The following DOCK8 variants were observed in gnomAD, a reference collection of about 807,000 sequenced individuals.
The protein encoded by DOCK8 is dedicator of cytokinesis protein 8.
Under a neutral mutation model 245.6 loss-of-function variants are expected in DOCK8, and 141 were observed. That is an observed-to-expected ratio of 0.57 (90% CI 0.50 to 0.66). DOCK8 has a LOEUF of 0.66. Among genes scored for constraint, DOCK8 ranks in the 30% least tolerant of loss-of-function variants. The pLI is 0.00. For synonymous variants in DOCK8, 1,168 were observed against 970.2 expected (o/e 1.20, Z -3.79); for missense variants, 2,965 against 2,603.4 (o/e 1.14, Z -3.02).
At chr9:376,561 G>T (rs1435244212) in intron 19 of DOCK8, among the ~76,000 whole-genome samples, 1 of 151,574 alleles carries the variant, frequency 6.6e-6, no homozygotes, top group Non-Finnish European at 1.5e-5. Flanking sequence ...AGGGGGACTT[G>T]ATTTGAAACT....
At chr9:258,590 CTCTTT>C in intron 1 of DOCK8, among the ~76,000 whole-genome samples, 1 of 126,454 alleles carries the variant, frequency 7.9e-6, no homozygotes, top group East Asian at 2.5e-4. Context: ...CCTGAAGAGA[CTCTTT>C]TTTTTTTTTT....
At chr9:315,775 T>C (rs1207687493) in intron 6 of DOCK8, among the ~76,000 whole-genome samples, 1 of 152,202 alleles carries the variant, frequency 6.6e-6, no homozygotes, top group African/African-American at 2.4e-5. Flanking sequence ...TTTGTGTATG[T>C]TTAAAATTTT....
At chr9:341,863 C>G (rs943504261) in intron 14 of DOCK8, among the ~76,000 whole-genome samples, 2 of 152,136 alleles carry the variant, frequency 1.3e-5, no homozygotes, top group Non-Finnish European at 2.9e-5. Flanking sequence ...CCTGTCAGAT[C>G]AGCAGTGACA....
intron 29 of DOCK8, among the ~76,000 whole-genome samples, chr9:416,900 T>G (rs1254135279): frequency 6.6e-6 from 1 of 152,270 alleles, no homozygotes; most frequent in Non-Finnish European, 1.5e-5. Flanking sequence ...AATGTGTCTC[T>G]ATGTTAGTTG....
At chr9:258,688 C>T (rs58554751) in intron 1 of DOCK8, among the ~76,000 whole-genome samples, 4,745 of 148,542 alleles carry the variant, frequency 0.032, 236 homozygotes, top group African/African-American at 0.11. Context: ...ACCTCTGCCT[C>T]CCGGGTTCAA....
chr9:282,818 GT>G (rs2130213130), intron 2 of DOCK8, among the ~76,000 whole-genome samples: 1 of 152,280 alleles, frequency 6.6e-6, no homozygotes, highest in South Asian at 2.1e-4. Flanking sequence ...CTACTCACTA[GT>G]TTTACGGCTC....
In DOCK8 at chr9:325,717, G is replaced by A. The variant is rs563721489; in HGVS notation, c.874G>A (p.Asp292Asn). Residue 292 changes from aspartate to asparagine, a missense_variant, in exon 8 of 48, where the codon GAT becomes AAT. Physicochemically the swap from Asp to Asn is conservative, Grantham distance 23. This residue lies in a region of DOCK8 where 2,825 missense variants were observed against 2,453.5 expected (regional missense o/e 1.15). Coordinates refer to ENST00000432829, the MANE Select transcript of DOCK8 (RefSeq NM_203447.4). ...EPLFASIALY[D>N]VKERKKISEN... ...CCTGTTTGCCAGCATTGCCCTCTAC[G>A]ATGTTAAAGAAAGGAAAAAGGTAAG... 83 of 1,613,952 alleles carry A rather than the reference G, an allele frequency of 5.1e-5. No homozygotes were observed. The East Asian group carries it at 1.3e-3, about 25-fold the overall frequency.
intron 18 of DOCK8, among the ~76,000 whole-genome samples, chr9:374,501 A>G (rs2053439688): frequency 8.4e-6 from 1 of 119,038 alleles, no homozygotes; most frequent in Non-Finnish European, 1.6e-5. Flanking sequence ...TTGCTCTGTC[A>G]CTCAGGCTGG....
At chr9:214,394 TG>T, upstream of DOCK8, 1 of 879,712 alleles carries the variant, frequency 1.1e-6, no homozygotes, top group Non-Finnish European at 1.8e-6. Flanking sequence ...GGAAGGATGA[TG>T]GGCATATTGC....
chr9:258,820 A>G (rs2047844587), intron 1 of DOCK8, among the ~76,000 whole-genome samples: 1 of 151,600 alleles, frequency 6.6e-6, no homozygotes, highest in Non-Finnish European at 1.5e-5. Flanking sequence ...CTGGTCTCGA[A>G]CTCCTGACCT....
At chr9:428,312 T>C in intron 34 of DOCK8, 50 bp from the exon 35 acceptor site, 1 of 1,613,226 alleles carries the variant, frequency 6.2e-7, no homozygotes, top group South Asian at 1.1e-5. Flanking sequence ...AACATCCAGT[T>C]CATTGGCACA....
chr9:365,396 C>T (rs1370841127), intron 14 of DOCK8, among the ~76,000 whole-genome samples: 1 of 152,132 alleles, frequency 6.6e-6, no homozygotes, highest in Non-Finnish European at 1.5e-5. Flanking sequence ...GGCTCTATAA[C>T]TTCAGTATGT....
chr9:302,566 C>A (rs1563896624), intron 4 of DOCK8, among the ~76,000 whole-genome samples: 1 of 152,104 alleles, frequency 6.6e-6, no homozygotes, highest in Non-Finnish European at 1.5e-5. Context: ...AACTGATAAC[C>A]AACTGAATAG....
intron 11 of DOCK8, 74 bp downstream of exon 11, chr9:334,458 G>A (rs775302452): frequency 1.3e-6 from 2 of 1,519,874 alleles, no homozygotes; most frequent in South Asian, 2.5e-5. Flanking sequence ...CTTACTAGCG[G>A]GGACTGGGGG....
chr9:325,729 A>G lies in DOCK8; in HGVS notation c.886A>G (p.Arg296Gly). ...ASIALYDVKE[R>G]KKISENFHCD... ...CATTGCCCTCTACGATGTTAAAGAAAGGAAAAAGGTAAGAAAGCAAAGAAA... is the reference window on the plus strand; with the variant it reads ...CATTGCCCTCTACGATGTTAAAGAAGGGAAAAAGGTAAGAAAGCAAAGAAA... Residue 296 changes from arginine to glycine, a missense_variant, in exon 8 of 48, where the codon AGG (arginine) becomes GGG (glycine). Around this residue, in one of 3 missense-constraint regions of DOCK8, gnomAD observed 2,825 missense variants for 2,453.5 expected, o/e 1.15. Transcript: ENST00000432829. 2 of 1,613,938 alleles carry G rather than the reference A, an allele frequency of 1.2e-6. No homozygotes were observed. The highest frequency in any genetic ancestry group is 1.7e-6 in the Non-Finnish European group (2 of 1,179,792).
In DOCK8 at chr9:368,120, T is replaced by C. The variant is rs748721463; in HGVS notation, c.1782T>C (p.Ala594=). 19 of 1,614,072 alleles carry C rather than the reference T, an allele frequency of 1.2e-5. No homozygotes were observed. Among genetic ancestry groups the C allele is most frequent in the Non-Finnish European group, 1.6e-5 (19 of 1,179,900 alleles). Residue 594 remains alanine (A), a synonymous_variant, in exon 15 of 48, where the codon GCT becomes GCC. Coordinates refer to ENST00000432829, the MANE Select transcript of DOCK8 (RefSeq NM_203447.4). ...IKIQFMCGED[A]SNAMPVIFGK... is the part of the protein sequence containing the mutation. The stretch of plus-strand genomic sequence containing the variant: ...TCCAGTTTATGTGTGGAGAAGATGC[T>C]AGCAATGCGATGCCGGTAAGGAGGG...
intron 33 of DOCK8, among the ~76,000 whole-genome samples, chr9:425,651 A>G (rs1167023093): frequency 2.6e-5 from 4 of 151,572 alleles, no homozygotes; most frequent in East Asian, 1.9e-4. Flanking sequence ...CCAGATACTC[A>G]GGAGGCTAAG....
At chr9:214,469 C>G (rs765486173), upstream of DOCK8, 1 of 1,576,766 alleles carries the variant, frequency 6.3e-7, no homozygotes, top group Non-Finnish European at 8.6e-7. Flanking sequence ...TTTTGGCTGC[C>G]TTCTTCGAGA....
intron 4 of DOCK8, among the ~76,000 whole-genome samples, chr9:300,785 A>C (rs1369976636): frequency 6.6e-6 from 1 of 152,156 alleles, no homozygotes; most frequent in Non-Finnish European, 1.5e-5. Context: ...AAGCCCCCTA[A>C]AATTGAAGCA....
Sources: gnomAD v4.1 joint callset for allele counts (sites outside exome capture counted in the v4.1 genomes callset) on GRCh38, gnomAD v4.1.1 for gene constraint, gnomAD v4.1.1 regional missense constraint, MANE v1.5 for transcripts, NCBI Gene and HGNC (gene_info 2026-07-23, HGNC 2026-07-21) for gene names.